SYN3: variants seen among roughly 807,000 people sequenced by gnomAD.
SYN3 encodes the protein synapsin III, also known as synapsin-3.
In SYN3, 35 loss-of-function variants were observed where a neutral mutation model predicts 65.8. That is an observed-to-expected ratio of 0.53 (90% confidence interval 0.41 to 0.70). SYN3 has a LOEUF of 0.70. Among genes scored for constraint, SYN3 ranks in the 30% least tolerant of loss-of-function variants. The pLI is 0.00. For synonymous variants in SYN3, 270 were observed against 292.9 expected, an observed-to-expected ratio of 0.92 and a Z score of 0.80; for missense variants, 680 against 749.0, an observed-to-expected ratio of 0.91 and a Z score of 1.08.
At chr22:32,677,994 A>G (rs1040693438) in intron 6 of SYN3, among the ~76,000 whole-genome samples, 22 of 152,116 alleles carry the variant, frequency 1.4e-4, no homozygotes, top group Non-Finnish European at 3.2e-4. Context: ...AACTACAAAG[A>G]GCTCAGTTCT....
intron 3 of SYN3, among the ~76,000 whole-genome samples, chr22:32,935,508 C>CG (rs1249538548): frequency 6.9e-6 from 1 of 145,850 alleles, no homozygotes. Context: ...TGGAGTGCAA[C>CG]GGCGTGATCT....
chr22:32,918,189 A>C (rs1159057371), intron 4 of SYN3, among the ~76,000 whole-genome samples: 2 of 152,234 alleles, frequency 1.3e-5, no homozygotes, highest in Non-Finnish European at 2.9e-5. Context: ...TTCAGCAAAG[A>C]TTTAGGCATT....
chr22:32,568,851 T>G (rs1352438075), intron 7 of SYN3, among the ~76,000 whole-genome samples: 2 of 151,864 alleles, frequency 1.3e-5, no homozygotes, highest in African/African-American at 4.8e-5. Context: ...AACCGGAGAG[T>G]GTCCTAGGGG....
At chr22:32,866,356 G>A (rs1402022255) in intron 5 of SYN3, among the ~76,000 whole-genome samples, 3 of 152,154 alleles carry the variant, frequency 2.0e-5, no homozygotes, top group Non-Finnish European at 4.4e-5. Context: ...AGTCAACTTC[G>A]AGGGTTTAAG....
At chr22:32,706,000 T>C (rs2060875773) in intron 6 of SYN3, among the ~76,000 whole-genome samples, 1 of 152,234 alleles carries the variant, frequency 6.6e-6, no homozygotes, top group Non-Finnish European at 1.5e-5. Context: ...ATCACATCAA[T>C]GGCAAACAGG....
intron 6 of SYN3, among the ~76,000 whole-genome samples, chr22:32,760,052 C>G (rs1602080174): frequency 2.6e-5 from 2 of 77,638 alleles, no homozygotes; most frequent in African/African-American, 5.0e-5. Context: ...CAGCACCCAC[C>G]CACCAGCAGC....
chr22:32,711,011 CTCT>C (rs1411439075), intron 6 of SYN3, among the ~76,000 whole-genome samples: 1 of 152,194 alleles, frequency 6.6e-6, no homozygotes, highest in Non-Finnish European at 1.5e-5. Context: ...ATGCTCTTCA[CTCT>C]TCTTCTCCTT....
chr22:32,825,819 C>T (rs1193235141), intron 6 of SYN3, among the ~76,000 whole-genome samples: 1 of 150,978 alleles, frequency 6.6e-6, no homozygotes, highest in African/African-American at 2.4e-5. Flanking sequence ...ATCCAACTAA[C>T]ATTTCTGTAT....
At position 32,610,386 on chromosome 22, in the gene SYN3, A is replaced by G. The variant is rs187273908; in HGVS notation, c.712-13650T>C. ...ATGTTTAGAACGTTTTTATCACTCA[A>G]AAAGAAACTCGGTACATAGTACCAG... On this transcript the variant is annotated intron_variant, in intron 6 of 13. Coordinates refer to ENST00000358763, the MANE Select transcript of SYN3 (RefSeq NM_003490.4). Among the ~76,000 whole-genome samples the G allele has an allele frequency of 5.6e-4, 85 of 152,248 alleles. No homozygotes were observed. The East Asian group carries it at 5.8e-3, about 10-fold the overall frequency.
Position 32,915,363 on chromosome 22 carries a change from A to C in SYN3, c.461+16027T>G, listed in dbSNP as rs2050159965. ...GTGAATTATTTACAAAACAGATAAA[A>C]TTCCTGCCCTCAAGGGGCTTATATT... On this transcript the variant is annotated intron_variant, in intron 4 of 13. Coordinates refer to ENST00000358763, the MANE Select transcript of SYN3 (RefSeq NM_003490.4). Among the ~76,000 whole-genome samples the C allele has an allele frequency of 2.0e-5, 3 of 152,338 alleles. No individual in the cohort carries two copies. The South Asian group carries it at 6.2e-4, about 32-fold the overall frequency.
At chr22:32,769,310 T>A (rs1284533623) in intron 6 of SYN3, among the ~76,000 whole-genome samples, 1 of 152,170 alleles carries the variant, frequency 6.6e-6, no homozygotes, top group Non-Finnish European at 1.5e-5. Flanking sequence ...ATCAATGACC[T>A]CCATGTTGCC....
intron 1 of SYN3, among the ~76,000 whole-genome samples, chr22:33,007,711 C>A (rs982403648): frequency 3.3e-5 from 5 of 152,170 alleles, no homozygotes; most frequent in African/African-American, 9.7e-5. Context: ...ACTTCCCAGC[C>A]TCCAGAACTG....
intron 1 of SYN3, among the ~76,000 whole-genome samples, chr22:33,039,612 T>A (rs1445046816): frequency 1.3e-5 from 2 of 152,040 alleles, no homozygotes; most frequent in African/African-American, 4.8e-5. Context: ...GCCAGGCTGG[T>A]CTCGAACTCC....
At chr22:32,548,132 A>T (rs1445097550) in intron 7 of SYN3, among the ~76,000 whole-genome samples, 2 of 152,186 alleles carry the variant, frequency 1.3e-5, no homozygotes, top group African/African-American at 4.8e-5. Context: ...AACAGACCCC[A>T]GGTGTGGTTT....
At chr22:32,700,738 C>T (rs2060800357) in intron 6 of SYN3, among the ~76,000 whole-genome samples, 1 of 151,926 alleles carries the variant, frequency 6.6e-6, no homozygotes. Flanking sequence ...TGAAAAATAG[C>T]TTTAAACACC....
chr22:32,758,318 T>C (rs1186781601), intron 6 of SYN3, among the ~76,000 whole-genome samples: 1 of 152,086 alleles, frequency 6.6e-6, no homozygotes, highest in Admixed American at 6.6e-5. Flanking sequence ...TGATGGTTAA[T>C]ACTAAGTGTC....
chr22:32,829,995 G>C (rs1462719274), intron 6 of SYN3, among the ~76,000 whole-genome samples: 1 of 152,190 alleles, frequency 6.6e-6, no homozygotes, highest in Non-Finnish European at 1.5e-5. Flanking sequence ...CACTTGGACT[G>C]ATACCAGTCA....
chr22:32,840,518 C>A (rs1407744257), intron 6 of SYN3, among the ~76,000 whole-genome samples: 2 of 152,070 alleles, frequency 1.3e-5, no homozygotes, highest in Non-Finnish European at 2.9e-5. Flanking sequence ...GCCCCCAGCC[C>A]CCATGCTCTT....
intron 4 of SYN3, among the ~76,000 whole-genome samples, chr22:32,880,928 T>C (rs1184956940): frequency 1.3e-5 from 2 of 152,186 alleles, no homozygotes; most frequent in African/African-American, 4.8e-5. Context: ...TTGGAAAGGC[T>C]GAGTTTGTGA....
Sources: gnomAD v4.1 joint callset for allele counts (sites outside exome capture counted in the v4.1 genomes callset) on GRCh38, gnomAD v4.1.1 for gene constraint, MANE v1.5 for transcripts, NCBI Gene and HGNC (gene_info 2026-07-23, HGNC 2026-07-21) for gene names.